KANSL1: variants seen among roughly 807,000 people sequenced by gnomAD.
The protein encoded by KANSL1 is KAT8 regulatory NSL complex subunit 1.
A neutral mutation model predicts 103.6 loss-of-function variants in KANSL1; 22 were observed. The observed-to-expected ratio is 0.21, with a 90% CI of 0.15 to 0.30. The LOEUF (loss-of-function observed/expected upper bound fraction) is 0.30, where lower values mean the gene tolerates loss of function less well. Ranked by LOEUF, KANSL1 falls within the 10% of genes least tolerant of loss-of-function variation. KANSL1 has a pLI of 1.00. For synonymous variants in KANSL1, 600 were observed against 527.6 expected (o/e 1.14, Z -1.88); for missense variants, 1,337 against 1,399.8 (o/e 0.96, Z 0.72).
chr17:46,210,757 G>A (rs980539622), intron 1 of KANSL1, among the ~76,000 whole-genome samples: 3 of 152,182 alleles, frequency 2.0e-5, no homozygotes, highest in Non-Finnish European at 2.9e-5. Flanking sequence ...ATAAGGGAAC[G>A]GAGTGATGGA....
chr17:46,072,402 T>C (rs1467616889), intron 4 of KANSL1, among the ~76,000 whole-genome samples: 2 of 152,190 alleles, frequency 1.3e-5, no homozygotes, highest in African/African-American at 4.8e-5. Flanking sequence ...AACAGTTCAG[T>C]TTTGGTTAGT....
chr17:46,149,454 C>T (rs1258398376), intron 2 of KANSL1, among the ~76,000 whole-genome samples: 1 of 152,232 alleles, frequency 6.6e-6, no homozygotes, highest in Non-Finnish European at 1.5e-5. Context: ...CTGTAAAGGG[C>T]CAGATGGCAA....
At chr17:46,181,334 T>C (rs913573092) in intron 1 of KANSL1, among the ~76,000 whole-genome samples, 2 of 152,202 alleles carry the variant, frequency 1.3e-5, no homozygotes, top group Non-Finnish European at 2.9e-5. Context: ...AGCTCCTGTC[T>C]AGATTATCAC....
intron 7 of KANSL1, chr17:46,041,128 A>C (rs1462976616): frequency 2.0e-5 from 3 of 152,248 alleles, no homozygotes; most frequent in Non-Finnish European, 4.4e-5. Flanking sequence ...AGTATATAGA[A>C]GTACAATAAA....
chr17:46,220,462 C>T (rs1319098073), intron 1 of KANSL1, among the ~76,000 whole-genome samples: 4 of 152,258 alleles, frequency 2.6e-5, no homozygotes, highest in South Asian at 2.1e-4. Flanking sequence ...ATGATCCGCC[C>T]GCCTCGGCCT....
chr17:46,100,589 A>C (rs2042270137), intron 2 of KANSL1, among the ~76,000 whole-genome samples: 1 of 152,256 alleles, frequency 6.6e-6, no homozygotes, highest in African/African-American at 2.4e-5. Flanking sequence ...AGTTATTAAT[A>C]GTCAATGGGT....
In KANSL1 at chr17:46,039,090, G is replaced by A; in HGVS notation, c.2329C>T (p.Pro777Ser). The change falls in exon 9 of 15, where the codon CCC becomes TCC. Residue 777 changes from proline to serine, a missense_variant. By Grantham distance (74) the Pro-to-Ser change is moderately conservative. Around this residue, in one of 2 missense-constraint regions of KANSL1, gnomAD observed 780 missense variants for 923.4 expected, o/e 0.84. Transcript: ENST00000432791. ...KAERLLNPPP[P>S]VHDPNHSKMR... ...TTGCTGTGGTTTGGGTCATGCACGG[G>A]TGGTGGTGGGTTGAGCAAGCGCTCT... The A allele has an allele frequency of 6.2e-7, 1 of 1,612,202 alleles. No individual in the cohort carries two copies. The highest frequency in any genetic ancestry group is 1.3e-5 in the African/African-American group (1 of 74,878).
At chr17:46,100,558 TTTTTG>T (rs1290405595) in intron 2 of KANSL1, among the ~76,000 whole-genome samples, 3 of 152,216 alleles carry the variant, frequency 2.0e-5, no homozygotes, top group Admixed American at 6.5e-5. Context: ...TAAAAATTAA[TTTTTG>T]TTTTTAGTTC....
intron 5 of KANSL1, 115 bp downstream of exon 5, chr17:46,067,434 G>A: frequency 1.4e-6 from 1 of 719,074 alleles, no homozygotes; most frequent in Non-Finnish European, 2.5e-6. Context: ...ATGTTACTAA[G>A]TGATAAGGCT....
chr17:46,094,835 G>A, intron 2 of KANSL1, 134 bp from the exon 3 acceptor site: 2 of 1,009,530 alleles, frequency 2.0e-6, no homozygotes, highest in Non-Finnish European at 1.5e-6. Context: ...ACCCAAGAGA[G>A]AGACAAGACA....
At chr17:46,139,296 C>CCCA (rs1555563205) in intron 2 of KANSL1, among the ~76,000 whole-genome samples, 41 of 139,470 alleles carry the variant, frequency 2.9e-4, no homozygotes, top group Admixed American at 2.1e-4. Flanking sequence ...TTTCATAGGC[C>CCCA]AAAAAAAAAA....
chr17:46,159,113 C>T (rs920106879), intron 2 of KANSL1, among the ~76,000 whole-genome samples: 1 of 152,152 alleles, frequency 6.6e-6, no homozygotes, highest in Non-Finnish European at 1.5e-5. Context: ...CTCTATGGAC[C>T]CTGTGGAAAC....
chr17:46,191,685 G>C (rs1041236486), intron 1 of KANSL1, among the ~76,000 whole-genome samples: 10 of 152,144 alleles, frequency 6.6e-5, no homozygotes, highest in Admixed American at 5.9e-4. Flanking sequence ...AAAACGTTTT[G>C]ATCTCTCCAA....
At chr17:46,081,808 G>T (rs2078998341) in intron 4 of KANSL1, among the ~76,000 whole-genome samples, 1 of 152,146 alleles carries the variant, frequency 6.6e-6, no homozygotes, top group Non-Finnish European at 1.5e-5. Flanking sequence ...TTCTAATTAA[G>T]TTATGGAGAC....
chr17:46,088,800 G>A (rs1203775810), intron 3 of KANSL1: 4 of 152,330 alleles, frequency 2.6e-5, no homozygotes, highest in Non-Finnish European at 5.9e-5. Context: ...AAGGTAGGAG[G>A]ATAGCTTGAG....
intron 1 of KANSL1, among the ~76,000 whole-genome samples, chr17:46,185,974 G>T (rs1034168609): frequency 6.9e-6 from 1 of 145,404 alleles, no homozygotes; most frequent in African/African-American, 2.5e-5. Context: ...AAAAGACAGA[G>T]GAAAAAAAAA....
intron 3 of KANSL1, among the ~76,000 whole-genome samples, chr17:46,083,725 GCTCCCCTGGTAAGTCCTAAA>G (rs71927936): frequency 0.14 from 21,694 of 152,038 alleles, 2,090 homozygotes; most frequent in Non-Finnish European, 0.22. Flanking sequence ...TTCTTTAAAA[GCTCCCCTGGTAAGTCCTAAA>G]CTTGTAAAGT....
At chr17:46,088,261 T>A (rs553838833) in intron 3 of KANSL1, among the ~76,000 whole-genome samples, 1 of 152,262 alleles carries the variant, frequency 6.6e-6, no homozygotes, top group East Asian at 1.9e-4. Flanking sequence ...TAACAGGCAA[T>A]TTCACATACT....
At chr17:46,062,672 C>T (rs1352675583) in intron 6 of KANSL1, among the ~76,000 whole-genome samples, 1 of 151,612 alleles carries the variant, frequency 6.6e-6, no homozygotes, top group African/African-American at 2.4e-5. Flanking sequence ...TTTTTAAGGG[C>T]AAAAGAGTTA....
Sources: gnomAD v4.1 joint callset for allele counts (sites outside exome capture counted in the v4.1 genomes callset) on GRCh38, gnomAD v4.1.1 for gene constraint, gnomAD v4.1.1 regional missense constraint, MANE v1.5 for transcripts, NCBI Gene and HGNC (gene_info 2026-07-23, HGNC 2026-07-21) for gene names.